FHIT: variants seen among roughly 807,000 people sequenced by gnomAD.
FHIT encodes fragile histidine triad diadenosine triphosphatase, also known as bis(5'-adenosyl)-triphosphatase.
Under a neutral mutation model 17.9 loss-of-function variants are expected in FHIT, and 19 were observed. That is an observed-to-expected ratio of 1.06 (90% CI 0.74 to 1.56). The LOEUF (loss-of-function observed/expected upper bound fraction) is 1.56, where lower values mean the gene tolerates loss of function less well. FHIT is among the 40% of genes most tolerant of loss of function. FHIT has a pLI of 0.00. For synonymous variants in FHIT, 81 were observed against 69.7 expected (o/e 1.16, Z -0.81); for missense variants, 248 against 189.2 (o/e 1.31, Z -1.82).
intron 8 of FHIT, among the ~76,000 whole-genome samples, chr3:59,872,448 G>A (rs1292996148): frequency 1.3e-5 from 2 of 152,148 alleles, no homozygotes; most frequent in Non-Finnish European, 2.9e-5. Context: ...GTTTATGTGA[G>A]GAGTAGAAGA....
At chr3:60,379,002 C>T (rs895774142) in intron 5 of FHIT, among the ~76,000 whole-genome samples, 1 of 152,226 alleles carries the variant, frequency 6.6e-6, no homozygotes, top group African/African-American at 2.4e-5. Context: ...CTCATGTGCC[C>T]TGTCTAAAAC....
intron 4 of FHIT, among the ~76,000 whole-genome samples, chr3:60,789,419 G>A (rs1318404511): frequency 6.6e-6 from 1 of 152,186 alleles, no homozygotes; most frequent in Non-Finnish European, 1.5e-5. Flanking sequence ...TCAGGAGGCT[G>A]AGGCAGGAGG....
intron 8 of FHIT, among the ~76,000 whole-genome samples, chr3:59,815,043 A>G (rs1332839460): frequency 6.6e-6 from 1 of 152,196 alleles, no homozygotes; most frequent in Non-Finnish European, 1.5e-5. Flanking sequence ...TGCTTAGTAT[A>G]TCACATGGAT....
At chr3:60,640,376 T>TA (rs535452457) in intron 4 of FHIT, among the ~76,000 whole-genome samples, 25 of 152,156 alleles carry the variant, frequency 1.6e-4, no homozygotes, top group Non-Finnish European at 2.9e-4. Context: ...TATTGAAGTT[T>TA]AAAAACAGAT....
At chr3:60,439,747 A>C (rs2030624667) in intron 5 of FHIT, among the ~76,000 whole-genome samples, 1 of 152,118 alleles carries the variant, frequency 6.6e-6, no homozygotes, top group Admixed American at 6.6e-5. Context: ...AGGCTCCTCA[A>C]AGAGCAGAAG....
intron 4 of FHIT, among the ~76,000 whole-genome samples, chr3:60,722,119 T>G (rs1219379809): frequency 6.6e-6 from 1 of 152,188 alleles, no homozygotes; most frequent in South Asian, 2.1e-4. Flanking sequence ...CTATTAGGAA[T>G]TCAGTGATGA....
intron 5 of FHIT, among the ~76,000 whole-genome samples, chr3:60,455,346 T>C (rs1947161): frequency 0.51 from 77,539 of 151,924 alleles, 22,325 homozygotes; most frequent in African/African-American, 0.77. Flanking sequence ...GTCTTTTCCC[T>C]CCATCATTGA....
At chr3:60,141,887 A>C (rs1428733970) in intron 5 of FHIT, among the ~76,000 whole-genome samples, 4 of 152,160 alleles carry the variant, frequency 2.6e-5, no homozygotes, top group Admixed American at 2.6e-4. Context: ...ATATTCATTA[A>C]CCTAAATCCT....
At chr3:60,734,124 T>A (rs552946186) in intron 4 of FHIT, among the ~76,000 whole-genome samples, 2 of 152,174 alleles carry the variant, frequency 1.3e-5, no homozygotes, top group African/African-American at 4.8e-5. Context: ...ATGGAAAATA[T>A]ACAATGCAAG....
chr3:61,058,501 C>A (rs12107612), intron 2 of FHIT, among the ~76,000 whole-genome samples: 23,544 of 152,120 alleles, frequency 0.15, 2,281 homozygotes, highest in African/African-American at 0.27. Flanking sequence ...TGGGATGTGA[C>A]TGAATCATGG....
intron 5 of FHIT, among the ~76,000 whole-genome samples, chr3:60,347,004 A>G (rs1050178401): frequency 2.7e-5 from 4 of 149,852 alleles, no homozygotes; most frequent in Non-Finnish European, 5.9e-5. Context: ...TACATGGGAA[A>G]TATATTATCT....
intron 5 of FHIT, among the ~76,000 whole-genome samples, chr3:60,194,586 G>T (rs546353576): frequency 1.3e-5 from 2 of 152,052 alleles, no homozygotes; most frequent in African/African-American, 4.8e-5. Flanking sequence ...ATGAATAAAT[G>T]ATACCTAATT....
chr3:60,964,486 T>G (rs1553782384), intron 3 of FHIT, among the ~76,000 whole-genome samples: 3 of 152,220 alleles, frequency 2.0e-5, no homozygotes, highest in African/African-American at 7.2e-5. Context: ...TGATGTTAGC[T>G]GGTTATTTCG....
intron 4 of FHIT, among the ~76,000 whole-genome samples, chr3:60,693,824 T>C (rs782055120): frequency 8.5e-5 from 13 of 152,202 alleles, no homozygotes; most frequent in Admixed American, 2.6e-4. Flanking sequence ...CTGGTCCTAC[T>C]ATAAAAATAA....
intron 5 of FHIT, among the ~76,000 whole-genome samples, chr3:60,439,286 A>C (rs2030577616): frequency 6.6e-6 from 1 of 152,144 alleles, no homozygotes. Flanking sequence ...TGCACATTAT[A>C]ATGTCCTAAA....
At chr3:61,074,399 T>A (rs1282310793) in intron 2 of FHIT, among the ~76,000 whole-genome samples, 2 of 152,210 alleles carry the variant, frequency 1.3e-5, no homozygotes, top group Non-Finnish European at 2.9e-5. Context: ...CGGCAGAGGT[T>A]GAACACTGGT....
At chr3:60,154,906 A>G (rs141401725) in intron 5 of FHIT, among the ~76,000 whole-genome samples, 60 of 152,252 alleles carry the variant, frequency 3.9e-4, no homozygotes, top group African/African-American at 1.3e-3. Context: ...AGGTTGTTCA[A>G]GAATAAGGAC....
chr3:60,461,373 G>A (rs890949069), intron 5 of FHIT, among the ~76,000 whole-genome samples: 2 of 152,142 alleles, frequency 1.3e-5, no homozygotes, highest in African/African-American at 4.8e-5. Context: ...TTTATAGAAA[G>A]AGACTCTCCA....
chr3:61,119,228 T>C (rs550064270), intron 2 of FHIT, among the ~76,000 whole-genome samples: 4 of 152,224 alleles, frequency 2.6e-5, no homozygotes, highest in Admixed American at 2.6e-4. Flanking sequence ...TAGTAATTTT[T>C]TTTTTTTCGA....
Sources: gnomAD v4.1 joint callset for allele counts (sites outside exome capture counted in the v4.1 genomes callset) on GRCh38, gnomAD v4.1.1 for gene constraint, MANE v1.5 for transcripts, NCBI Gene and HGNC (gene_info 2026-07-23, HGNC 2026-07-21) for gene names.